ARFGEF3: variants seen among roughly 807,000 people sequenced by gnomAD.
ARFGEF3 encodes the protein brefeldin A-inhibited guanine nucleotide-exchange protein 3.
ARFGEF3 carries 96 observed loss-of-function variants against 221.7 expected under a neutral mutation model. That is an observed-to-expected ratio of 0.43 (90% CI 0.37 to 0.51). The LOEUF (loss-of-function observed/expected upper bound fraction) is 0.51. Among genes scored for constraint, ARFGEF3 ranks in the 20% least tolerant of loss-of-function variants. The pLI, the probability that ARFGEF3 is intolerant of heterozygous loss-of-function variation, is 0.00. For missense variants in ARFGEF3, 2,410 were observed against 2,789.9 expected (o/e 0.86, Z 3.07); for synonymous variants, 1,145 against 1,126.8 (o/e 1.02, Z -0.32).
intron 4 of ARFGEF3, chr6:138,215,843 TGTGTGTG>T (rs1185668362): frequency 8.1e-4 from 8 of 9,822 alleles, no homozygotes; most frequent in Admixed American, 3.4e-3. Flanking sequence ...ATCGGTCTGG[TGTGTGTG>T]TGTGTGTGTG....
intron 7 of ARFGEF3, among the ~76,000 whole-genome samples, chr6:138,244,218 T>C (rs1315978904): frequency 6.6e-6 from 1 of 152,198 alleles, no homozygotes; most frequent in Non-Finnish European, 1.5e-5. Context: ...AAGATCTTAA[T>C]TCTGAGGACC....
rs1019666716 is a variant in ARFGEF3, at chr6:138,291,574, G to A, written c.3048-159G>A. 3.9e-5 allele frequency among the ~76,000 whole-genome samples: 6 copies of A among 152,184 alleles called. No individual in the cohort carries two copies. The highest frequency in any genetic ancestry group is 7.3e-5 in the Non-Finnish European group (5 of 68,028). On this transcript the variant is annotated intron_variant, in intron 18 of 33. Coordinates refer to ENST00000251691, the MANE Select transcript of ARFGEF3 (RefSeq NM_020340.5). The surrounding 1 kb of genome is among the most constrained non-coding windows in gnomAD (Gnocchi z 4.5). ...TACTAATAATAATGCTGTGTGACAT[G>A]AGAACACAGGAGGGAAGGACTGACT...
chr6:138,194,441 T>C (rs1777370413), intron 2 of ARFGEF3, among the ~76,000 whole-genome samples: 1 of 152,154 alleles, frequency 6.6e-6, no homozygotes, highest in Admixed American at 6.5e-5. Context: ...TAACTCCAGA[T>C]TGCCAGCTGG....
intron 32 of ARFGEF3, among the ~76,000 whole-genome samples, chr6:138,328,642 G>T (rs144128297): frequency 6.6e-6 from 1 of 152,070 alleles, no homozygotes; most frequent in East Asian, 1.9e-4. Flanking sequence ...GGTACCAGGG[G>T]TTAGGACTTC....
rs143171892 is a variant in ARFGEF3 at position 138,310,774 on chromosome 6, G to A, written c.4097-633G>A. Among the ~76,000 whole-genome samples, 107 of 152,198 alleles carry A rather than the reference G, an allele frequency of 7.0e-4. 1 individual carries two copies. The highest frequency in any genetic ancestry group is 2.4e-3 in the African/African-American group (101 of 41,536). Reference sequence around the variant, plus strand: ...ACTCTTACAGAAAAACCTAGATACCGCTCTACAGACATGTTAAATCTCTAG... The same window carrying A: ...ACTCTTACAGAAAAACCTAGATACCACTCTACAGACATGTTAAATCTCTAG... On this transcript the variant is annotated intron_variant, in intron 24 of 33. Transcript: ENST00000251691.
intron 28 of ARFGEF3, among the ~76,000 whole-genome samples, 187 bp downstream of exon 28, chr6:138,320,066 A>G (rs1227712744): frequency 6.6e-6 from 1 of 152,216 alleles, no homozygotes; most frequent in East Asian, 1.9e-4. Context: ...ATTCATACCC[A>G]TGTGTCTTCT....
intron 14 of ARFGEF3, among the ~76,000 whole-genome samples, chr6:138,282,574 A>C (rs1779214989): frequency 6.6e-6 from 1 of 152,222 alleles, no homozygotes; most frequent in Non-Finnish European, 1.5e-5. Context: ...CAGAACATAC[A>C]GTGAGGTCTG....
chr6:138,210,049 T>C lies in ARFGEF3; in HGVS notation c.351+8T>C. 1 of 1,613,246 alleles carries C rather than the reference T, an allele frequency of 6.2e-7. No individual in the cohort carries two copies. Among genetic ancestry groups the C allele is most frequent in the Non-Finnish European group, 8.5e-7 (1 of 1,179,584 alleles). On this transcript the variant is annotated splice_region_variant and intron_variant, in intron 4 of 33. Coordinates refer to ENST00000251691, the MANE Select transcript of ARFGEF3 (RefSeq NM_020340.5). ...CAGGTGGAAGTGATGAAGGTTGGTT[T>C]GACGTGGCCAAGAGTGTGCGTCACT...
intron 12 of ARFGEF3, among the ~76,000 whole-genome samples, chr6:138,275,476 C>T (rs958990332): frequency 2.0e-5 from 3 of 152,040 alleles, no homozygotes; most frequent in Non-Finnish European, 2.9e-5. Context: ...GATGGCCGGG[C>T]ATGGTGGCTC....
chr6:138,221,256 T>A (rs560731576), intron 4 of ARFGEF3, among the ~76,000 whole-genome samples: 26 of 152,312 alleles, frequency 1.7e-4, no homozygotes, highest in Non-Finnish European at 3.4e-4. Context: ...TGATGTCCCA[T>A]TGGTCATTTC....
chr6:138,170,848 T>A (rs1438689731), intron 2 of ARFGEF3, 135 bp downstream of exon 2: 5 of 568,504 alleles, frequency 8.8e-6, no homozygotes, highest in Non-Finnish European at 1.6e-5. Flanking sequence ...GGGTGATTTA[T>A]AATGAACAGA....
At chr6:138,287,275 C>A in intron 17 of ARFGEF3, 91 bp downstream of exon 17, 1 of 952,310 alleles carries the variant, frequency 1.1e-6, no homozygotes, top group Non-Finnish European at 1.6e-6. Context: ...AACACTCGTG[C>A]CTGTTCTGTG....
chr6:138,249,607 T>C (rs548818235), intron 8 of ARFGEF3, among the ~76,000 whole-genome samples: 1 of 152,340 alleles, frequency 6.6e-6, no homozygotes, highest in African/African-American at 2.4e-5. Context: ...GGTGGATCAC[T>C]TGAGGTCAGG....
chr6:138,263,702 G>A lies in ARFGEF3; in HGVS notation c.2128+91G>A, dbSNP rs944419503. The A allele has an allele frequency of 3.2e-5, 38 of 1,195,792 alleles. No individual in the cohort carries two copies. The East Asian group carries it at 4.5e-4, about 14-fold the overall frequency. The allele number at this position is 1,195,792 out of a possible 1,614,324, so 74.1% of individuals were successfully genotyped here. A position where few individuals can be genotyped will look rare whatever the true frequency, so the allele number is the denominator to read the frequency against. On this transcript the variant is annotated intron_variant, in intron 12 of 33. Coordinates refer to ENST00000251691, the MANE Select transcript of ARFGEF3 (RefSeq NM_020340.5). ...ATTACTATCATGCTTATAGTTTGACGTGCTCAAAGCATATTAATGTATCTT... is the reference window on the plus strand; with the variant it reads ...ATTACTATCATGCTTATAGTTTGACATGCTCAAAGCATATTAATGTATCTT...
chr6:138,293,262 C>T (rs182693317), intron 19 of ARFGEF3, among the ~76,000 whole-genome samples: 58 of 152,292 alleles, frequency 3.8e-4, no homozygotes, highest in African/African-American at 1.3e-3. Flanking sequence ...GCACATTGCT[C>T]GTTGTGGCCT....
At position 138,286,758 on chromosome 6, in the gene ARFGEF3, T is replaced by G; in HGVS notation, c.2627T>G (p.Leu876Ter). ...VGCWKNLIDTLSTPLTGRMAG... is the reference protein window; with the variant it reads ...VGCWKNLIDT ...TGCTGGAAGAACTTGATCGATACTT[T>G]ATCAACCCCACTGACTGGTCGAATG... Residue 876 changes from leucine (L) to a stop codon, truncating the protein, a stop_gained, in exon 16 of 34, where the codon TTA becomes TGA. Transcript: ENST00000251691. LOFTEE classifies it high-confidence loss of function. The G allele has an allele frequency of 6.2e-7, 1 of 1,614,046 alleles. No individual in the cohort carries two copies. Among genetic ancestry groups the G allele is most frequent in the South Asian group, 1.1e-5 (1 of 91,084 alleles).
Position 138,334,366 on chromosome 6 carries a change from C to T in ARFGEF3, c.5520C>T (p.Val1840=), listed in dbSNP as rs778142598. ...ETITAEQVKK[V]LFEDDERSTD... Reference sequence around the variant, plus strand: ...TCACGGCCGAGCAAGTGAAGAAGGTCCTTTTTGAGGACGACGAGAGAAGCA... The same window carrying T: ...TCACGGCCGAGCAAGTGAAGAAGGTTCTTTTTGAGGACGACGAGAGAAGCA... Residue 1840 remains valine, a synonymous_variant, in exon 33 of 34, where the codon GTC becomes GTT. Transcript: ENST00000251691. This position sits in a 1 kb window ranked among gnomAD's most constrained non-coding sequence, Gnocchi z 5.1. 6.2e-7 allele frequency: 1 copy of T among 1,613,746 alleles called. No individual in the cohort carries two copies. The highest frequency in any genetic ancestry group is 8.5e-7 in the Non-Finnish European group (1 of 1,179,822).
intron 4 of ARFGEF3, among the ~76,000 whole-genome samples, chr6:138,222,333 C>T (rs1468783714): frequency 6.6e-6 from 1 of 152,188 alleles, no homozygotes; most frequent in Non-Finnish European, 1.5e-5. Context: ...TCAAAGCTGT[C>T]CTGGCCTACA....
At chr6:138,232,675 CT>C (rs1346680493) in intron 5 of ARFGEF3, among the ~76,000 whole-genome samples, 2 of 152,042 alleles carry the variant, frequency 1.3e-5, no homozygotes, top group Admixed American at 6.5e-5. Context: ...TGAAAAACAC[CT>C]TTTTTATTGT....
Sources: allele counts gnomAD v4.1 joint callset (sites outside exome capture counted in the v4.1 genomes callset), GRCh38; gene constraint gnomAD v4.1.1; non-coding constraint Gnocchi (gnomAD v3.1); transcripts MANE v1.5; gene names NCBI Gene and HGNC (gene_info 2026-07-23, HGNC 2026-07-21).